KCNJ18: variants seen among roughly 807,000 people sequenced by gnomAD.
KCNJ18 encodes inward rectifier potassium channel 18.
Under a neutral mutation model 17.3 loss-of-function variants are expected in KCNJ18, and 16 were observed. That is an observed-to-expected ratio of 0.92 (90% CI 0.62 to 1.40). KCNJ18 has a LOEUF of 1.40. Among genes scored for constraint, KCNJ18 ranks in the 40% most tolerant of loss-of-function variants. The pLI is 0.00. For synonymous variants in KCNJ18, 185 were observed against 262.6 expected, an observed-to-expected ratio of 0.70 and a Z score of 2.86; for missense variants, 462 against 626.8, an observed-to-expected ratio of 0.74 and a Z score of 2.81.
chr17:21,703,042 ATCT>A lies in KCNJ18; in HGVS notation c.260_262del (p.Phe87del), dbSNP rs1906021341. 3 of 1,613,330 alleles carry A rather than the reference ATCT, an allele frequency of 1.9e-6. No individual in the cohort carries two copies. Among genetic ancestry groups the A allele is most frequent in the Non-Finnish European group, 2.5e-6 (3 of 1,179,894 alleles). On this transcript the variant is annotated inframe_deletion, in exon 3 of 3. Coordinates refer to ENST00000567955, the MANE Select transcript of KCNJ18 (RefSeq NM_001194958.2). ...CATCCGCTGGCGCTACATGCTGCTC[ATCT>A]TCTCGCTGGCCTTCCTTGCCTCCTG... is the stretch of plus-strand genomic sequence containing the variant.
chr17:21,702,700 C>T (rs2142272395), intron 2 of KCNJ18, 31 bp from the exon 3 acceptor site: 1 of 1,452,894 alleles, frequency 6.9e-7, no homozygotes, highest in African/African-American at 1.4e-5. Flanking sequence ...AGCCACCAGC[C>T]CAGCCAGACA....
At chr17:21,699,763 C>T (rs1905879213) in intron 2 of KCNJ18, among the ~76,000 whole-genome samples, 3 of 152,142 alleles carry the variant, frequency 2.0e-5, no homozygotes, top group Admixed American at 2.0e-4. Flanking sequence ...GGTGCCCAGC[C>T]CTGGCAGAGA....
rs1906050494 is a variant in KCNJ18, at chr17:21,703,514, A to G, written c.728A>G (p.Tyr243Cys). ...CCGCGGGTCACCGAGGAGGGCGAGT[A>G]CATCCCGCTGGACCAGATCGACATC... ...IKPRVTEEGEYIPLDQIDIDV... is the reference protein window; with the variant it reads ...IKPRVTEEGECIPLDQIDIDV... The change falls in exon 3 of 3, where the codon TAC becomes TGC. Residue 243 changes from tyrosine (Y) to cysteine (C), a missense_variant. This residue lies in a region of KCNJ18 where 27 missense variants were observed against 119.2 expected (regional missense o/e 0.23). Transcript: ENST00000567955. 1 of 1,604,922 alleles carries G rather than the reference A, an allele frequency of 6.2e-7. No homozygotes were observed. The highest frequency in any genetic ancestry group is 8.5e-7 in the Non-Finnish European group (1 of 1,176,238).
At chr17:21,693,879 G>T (rs1414929986) in intron 1 of KCNJ18, among the ~76,000 whole-genome samples, 3 of 151,794 alleles carry the variant, frequency 2.0e-5, no homozygotes, top group African/African-American at 7.2e-5. Flanking sequence ...ATGGCTGAGA[G>T]AGGCAAAGTG....
chr17:21,699,702 A>G (rs1165369869), intron 2 of KCNJ18, among the ~76,000 whole-genome samples: 308 of 152,278 alleles, frequency 2.0e-3, no homozygotes, highest in Middle Eastern at 6.8e-3. Context: ...GAGGAACGTC[A>G]ACAGAAGTGG....
chr17:21,696,633 C>T (rs1905766895), intron 2 of KCNJ18, among the ~76,000 whole-genome samples: 1 of 152,206 alleles, frequency 6.6e-6, no homozygotes, highest in Admixed American at 6.5e-5. Flanking sequence ...AACTCTCACA[C>T]AAGGTGGGAA....
Position 21,704,383 on chromosome 17 carries a change from C to A in KCNJ18, c.*295C>A, listed in dbSNP as rs1183689506. ...TGCCTGAAGATGGAGCTGCAGCCTG[C>A]GGGGAAGCAGCCCAGCTCGATGGTG... On this transcript the variant is annotated 3_prime_UTR_variant, in exon 3 of 3. Coordinates refer to ENST00000567955, the MANE Select transcript of KCNJ18 (RefSeq NM_001194958.2). 2.6e-6 allele frequency: 1 copy of A among 389,360 alleles called. No individual in the cohort carries two copies. The highest frequency in any genetic ancestry group is 4.8e-6 in the Non-Finnish European group (1 of 209,830). 24.1% of individuals were successfully genotyped at this position (389,360 alleles called of 1,614,324 possible).
In KCNJ18 at chr17:21,703,136, G is replaced by A; in HGVS notation, c.350G>A (p.Gly117Asp). Residue 117 changes from glycine (G) to aspartate (D), a missense_variant, in exon 3 of 3, where the codon GGC becomes GAC. By Grantham distance (94) the Gly-to-Asp change is moderately conservative. Transcript: ENST00000567955. ...CACGGTGACCTGGAGCCGGCTGAGG[G>A]CCACGGCCGCACACCCTGTGTGATG... ...VAHGDLEPAE[G>D]HGRTPCVMQV... 3 of 1,611,520 alleles carry A rather than the reference G, an allele frequency of 1.9e-6. No homozygotes were observed. The highest frequency in any genetic ancestry group is 2.5e-6 in the Non-Finnish European group (3 of 1,179,434).
chr17:21,702,685 C>T lies in KCNJ18; in HGVS notation c.-56-46C>T, dbSNP rs1906001100. On this transcript the variant is annotated intron_variant, in intron 2 of 2. Coordinates refer to ENST00000567955, the MANE Select transcript of KCNJ18 (RefSeq NM_001194958.2). Reference sequence around the variant, plus strand: ...GGGCCCTGGGATGGGGGTAGAGGAGCCTGGAGCCACCAGCCCAGCCAGACA... The same window carrying T: ...GGGCCCTGGGATGGGGGTAGAGGAGTCTGGAGCCACCAGCCCAGCCAGACA... 14 of 1,318,448 alleles carry T rather than the reference C, an allele frequency of 1.1e-5. No homozygotes were observed. In the South Asian group the frequency reaches 1.7e-4, roughly 16 times the overall value. 81.7% of individuals were successfully genotyped at this position (1,318,448 alleles called of 1,614,324 possible).
chr17:21,692,868 T>A (rs1233838610), intron 1 of KCNJ18, among the ~76,000 whole-genome samples, 154 bp downstream of exon 1: 1 of 152,310 alleles, frequency 6.6e-6, no homozygotes. Context: ...GTCACCACCT[T>A]CAATTTCATG....
At position 21,703,054 on chromosome 17, in the gene KCNJ18, G is replaced by A; in HGVS notation, c.268G>A (p.Ala90Thr). ...WRYMLLIFSL[A>T]FLASWLLFGV... Reference sequence around the variant, plus strand: ...CTACATGCTGCTCATCTTCTCGCTGGCCTTCCTTGCCTCCTGGCTGCTGTT... The same window carrying A: ...CTACATGCTGCTCATCTTCTCGCTGACCTTCCTTGCCTCCTGGCTGCTGTT... Residue 90 changes from alanine (A) to threonine (T), a missense_variant, in exon 3 of 3, where the codon GCC becomes ACC. This residue lies in a region of KCNJ18 where 237 missense variants were observed against 259.4 expected (regional missense o/e 0.91). Transcript: ENST00000567955. 6.2e-7 allele frequency: 1 copy of A among 1,613,088 alleles called. No homozygotes were observed. The highest frequency in any genetic ancestry group is 8.5e-7 in the Non-Finnish European group (1 of 1,179,836).
chr17:21,693,545 CTG>C (rs1905668526), intron 1 of KCNJ18, among the ~76,000 whole-genome samples: 1 of 152,290 alleles, frequency 6.6e-6, no homozygotes, highest in African/African-American at 2.4e-5. Context: ...CTCCAGGTGA[CTG>C]TGCAGGTGAC....
chr17:21,698,156 C>T (rs1905826128), intron 2 of KCNJ18, among the ~76,000 whole-genome samples: 1 of 152,066 alleles, frequency 6.6e-6, no homozygotes, highest in Admixed American at 6.6e-5. Flanking sequence ...AAAAGGATTG[C>T]AGTGCCACGC....
intron 2 of KCNJ18, among the ~76,000 whole-genome samples, chr17:21,699,706 G>T (rs1186923103): frequency 5.7e-3 from 873 of 152,250 alleles, no homozygotes; most frequent in Non-Finnish European, 9.9e-3. Context: ...AACGTCAACA[G>T]AAGTGGGGGT....
Position 21,704,254 on chromosome 17 carries a change from G to T in KCNJ18, c.*166G>T. The T allele has an allele frequency of 1.1e-6, 1 of 880,476 alleles. No homozygotes were observed. 54.5% of individuals were successfully genotyped at this position (880,476 alleles called of 1,614,324 possible). A position where few individuals can be genotyped will look rare whatever the true frequency, so the allele number is the denominator to read the frequency against. On this transcript the variant is annotated 3_prime_UTR_variant, in exon 3 of 3. Transcript: ENST00000567955. Reference sequence around the variant, plus strand: ...TGCAAAGGCCTCAGAAGGTTGGCCGGAGAGGGGGCAGCCAGAGCGGCAGCC... The same window carrying T: ...TGCAAAGGCCTCAGAAGGTTGGCCGTAGAGGGGGCAGCCAGAGCGGCAGCC...
At chr17:21,696,909 G>C (rs1258119707) in intron 2 of KCNJ18, among the ~76,000 whole-genome samples, 5 of 152,198 alleles carry the variant, frequency 3.3e-5, no homozygotes, top group Non-Finnish European at 7.4e-5. Flanking sequence ...TTTCCTGGGA[G>C]GTGATCCCAG....
At position 21,704,114 on chromosome 17, in the gene KCNJ18, C is replaced by G; in HGVS notation, c.*26C>G. On this transcript the variant is annotated 3_prime_UTR_variant, in exon 3 of 3. Coordinates refer to ENST00000567955, the MANE Select transcript of KCNJ18 (RefSeq NM_001194958.2). ...GCCAACCTTGGCCGACATGCAGCAT[C>G]CACCCCTGGCCGGGGAGAGGCCCCG... is the stretch of plus-strand genomic sequence containing the variant. 1 of 1,507,536 alleles carries G rather than the reference C, an allele frequency of 6.6e-7. No homozygotes were observed. Among genetic ancestry groups the G allele is most frequent in the Non-Finnish European group, 8.9e-7 (1 of 1,129,008 alleles). 93.4% of individuals were successfully genotyped at this position (1,507,536 alleles called of 1,614,324 possible).
chr17:21,698,427 C>A (rs1311032329), intron 2 of KCNJ18, among the ~76,000 whole-genome samples: 2 of 152,042 alleles, frequency 1.3e-5, no homozygotes, highest in Non-Finnish European at 2.9e-5. Flanking sequence ...GTTCGTGCCT[C>A]ATGAGGCGCC....
chr17:21,703,123 G>A lies in KCNJ18; in HGVS notation c.337G>A (p.Glu113Lys). The change falls in exon 3 of 3, where the codon GAG becomes AAG. Residue 113 changes from glutamate to lysine, a missense_variant. Physicochemically the swap from Glu to Lys is moderately conservative, Grantham distance 56. Around this residue, in one of 5 missense-constraint regions of KCNJ18, gnomAD observed 237 missense variants for 259.4 expected, o/e 0.91. Transcript: ENST00000567955. ...WVIAVAHGDL[E>K]PAEGHGRTPC... ...CATCGCGGTGGCACACGGTGACCTG[G>A]AGCCGGCTGAGGGCCACGGCCGCAC... 1.2e-6 allele frequency: 2 copies of A among 1,611,876 alleles called. No homozygotes were observed. The highest frequency in any genetic ancestry group is 1.7e-6 in the Non-Finnish European group (2 of 1,179,606).
Sources: gnomAD v4.1 joint callset for allele counts (sites outside exome capture counted in the v4.1 genomes callset) on GRCh38, gnomAD v4.1.1 for gene constraint, gnomAD v4.1.1 regional missense constraint, MANE v1.5 for transcripts, NCBI Gene and HGNC (gene_info 2026-07-23, HGNC 2026-07-21) for gene names.